ARMC9: variants seen among roughly 807,000 people sequenced by gnomAD.
ARMC9 encodes lisH domain-containing protein ARMC9.
ARMC9 carries 94 observed loss-of-function variants against 107.0 expected under a neutral mutation model. The observed-to-expected ratio is 0.88, with a 90% CI of 0.74 to 1.04. The LOEUF (loss-of-function observed/expected upper bound fraction) is 1.04, where lower values mean the gene tolerates loss of function less well. Among genes scored for constraint, ARMC9 ranks in the 50% least tolerant of loss-of-function variants. The pLI, the probability that ARMC9 is intolerant of heterozygous loss-of-function variation, is 0.00. For synonymous variants in ARMC9, 380 were observed against 396.9 expected (o/e 0.96, Z 0.51); for missense variants, 942 against 1,030.1 (o/e 0.91, Z 1.17).
At chr2:231,267,614 A>G (rs1243902241) in intron 12 of ARMC9, among the ~76,000 whole-genome samples, 1 of 152,206 alleles carries the variant, frequency 6.6e-6, no homozygotes. Flanking sequence ...TCTAGTTCTC[A>G]GGGGTTGATC....
At chr2:231,229,533 A>G (rs1256825299) in intron 7 of ARMC9, among the ~76,000 whole-genome samples, 2 of 152,250 alleles carry the variant, frequency 1.3e-5, no homozygotes, top group Non-Finnish European at 2.9e-5. Flanking sequence ...TAGTCACTTA[A>G]AAAGGATATA....
At chr2:231,328,690 T>C (rs959572991) in intron 19 of ARMC9, among the ~76,000 whole-genome samples, 1 of 152,084 alleles carries the variant, frequency 6.6e-6, no homozygotes, top group African/African-American at 2.4e-5. Context: ...GATCTATGTG[T>C]CTGTCCCTCT....
chr2:231,349,150 C>T (rs1214636150), intron 21 of ARMC9, among the ~76,000 whole-genome samples: 2 of 152,180 alleles, frequency 1.3e-5, no homozygotes, highest in African/African-American at 2.4e-5. Context: ...GCTGCAGCAC[C>T]GTTCACAGGG....
intron 19 of ARMC9, among the ~76,000 whole-genome samples, chr2:231,317,294 C>A (rs1382445570): frequency 6.6e-6 from 1 of 152,096 alleles, no homozygotes; most frequent in Non-Finnish European, 1.5e-5. Context: ...CCTCAGCTTC[C>A]TGAGTGGCTG....
intron 9 of ARMC9, among the ~76,000 whole-genome samples, chr2:231,249,321 G>GCT (rs2037072302): frequency 6.6e-6 from 1 of 152,128 alleles, no homozygotes; most frequent in South Asian, 2.1e-4. Flanking sequence ...CAGTACACAG[G>GCT]AGACTCCCGA....
At chr2:231,204,830 G>A (rs1255418141) in intron 1 of ARMC9, among the ~76,000 whole-genome samples, 2 of 152,098 alleles carry the variant, frequency 1.3e-5, no homozygotes, top group African/African-American at 4.8e-5. Context: ...GGTGTCCACA[G>A]GAACCACACA....
intron 21 of ARMC9, among the ~76,000 whole-genome samples, chr2:231,351,870 T>A (rs2125588266): frequency 6.6e-6 from 1 of 152,246 alleles, no homozygotes; most frequent in South Asian, 2.1e-4. Flanking sequence ...ACCAGCACCC[T>A]CTGGTATCCT....
At chr2:231,352,038 G>A (rs1389373824) in intron 21 of ARMC9, among the ~76,000 whole-genome samples, 2 of 152,038 alleles carry the variant, frequency 1.3e-5, no homozygotes, top group Non-Finnish European at 2.9e-5. Context: ...CACAATCACA[G>A]CTCACTGCAG....
chr2:231,221,175 C>T (rs899261739), intron 5 of ARMC9, among the ~76,000 whole-genome samples: 3 of 152,184 alleles, frequency 2.0e-5, no homozygotes, highest in African/African-American at 7.2e-5. Flanking sequence ...CTTCCTTTCC[C>T]CTCCCAGCTT....
At chr2:231,348,457 G>A (rs772013386) in intron 21 of ARMC9, among the ~76,000 whole-genome samples, 34 of 152,292 alleles carry the variant, frequency 2.2e-4, no homozygotes, top group Non-Finnish European at 3.8e-4. Context: ...TAAGTTTGTG[G>A]TAAGACTGCA....
At chr2:231,371,426 C>T (rs905559020) in intron 24 of ARMC9, 87 bp from the exon 25 acceptor site, 29 of 1,324,446 alleles carry the variant, frequency 2.2e-5, no homozygotes, top group East Asian at 1.4e-4. Context: ...GCTTCTGAGC[C>T]GGCTGAAAGA....
At chr2:231,356,881 C>T (rs1009100592) in intron 22 of ARMC9, among the ~76,000 whole-genome samples, 2 of 152,182 alleles carry the variant, frequency 1.3e-5, no homozygotes, top group Non-Finnish European at 1.5e-5. Flanking sequence ...GCCAATTTGA[C>T]TGAATGCCAT....
Position 231,271,040 on chromosome 2 carries a change from G to A in ARMC9, c.1178G>A (p.Arg393Lys), listed in dbSNP as rs747791321. The part of the protein sequence containing the change: ...TSDVVRQYMA[R>K]LINAFASLAE... ...GACGTGGTGCGGCAGTACATGGCCA[G>A]GCTCATCAATGCTTTTGCGTCACTG... Residue 393 changes from arginine (R) to lysine (K), a missense_variant, in exon 13 of 25, where the codon AGG (arginine) becomes AAG (lysine). Transcript: ENST00000611582. 5.6e-6 allele frequency: 9 copies of A among 1,614,006 alleles called. No individual in the cohort carries two copies. The highest frequency in any genetic ancestry group is 1.7e-5 in the Admixed American group (1 of 60,002).
At chr2:231,275,905 A>G (rs1232399898) in intron 14 of ARMC9, among the ~76,000 whole-genome samples, 1 of 152,196 alleles carries the variant, frequency 6.6e-6, no homozygotes, top group Non-Finnish European at 1.5e-5. Context: ...GTGAGCCGAG[A>G]TCGTGCCATT....
At chr2:231,309,536 T>C (rs1362498132) in intron 19 of ARMC9, among the ~76,000 whole-genome samples, 2 of 152,176 alleles carry the variant, frequency 1.3e-5, no homozygotes, top group Admixed American at 1.3e-4. Flanking sequence ...ATCCATTTGA[T>C]CAAATCACTA....
Position 231,217,703 on chromosome 2 carries a change from T to C in ARMC9, c.504+910T>C, listed in dbSNP as rs1252605517. Among the ~76,000 whole-genome samples the C allele has an allele frequency of 2.6e-5, 4 of 152,114 alleles. No individual in the cohort carries two copies. The East Asian group carries it at 7.7e-4, about 29-fold the overall frequency. ...CTATGAATTGTAACACACATATGTT[T>C]TGTTTGTTTGTTTGGTTGGTTTTGT... On this transcript the variant is annotated intron_variant, in intron 5 of 24. Coordinates refer to ENST00000611582, the MANE Select transcript of ARMC9 (RefSeq NM_001352754.2).
intron 8 of ARMC9, among the ~76,000 whole-genome samples, chr2:231,239,538 C>A (rs189603861): frequency 6.6e-6 from 1 of 152,190 alleles, no homozygotes; most frequent in Admixed American, 6.5e-5. Context: ...TTGGTCTTCT[C>A]GAGTCCAGGA....
intron 9 of ARMC9, among the ~76,000 whole-genome samples, chr2:231,250,788 A>G (rs924370520): frequency 2.0e-5 from 3 of 152,130 alleles, no homozygotes; most frequent in African/African-American, 7.2e-5. Context: ...GGGCTGGAGG[A>G]GAGACCTGAA....
chr2:231,214,764 G>T (rs1234742200), intron 3 of ARMC9, 67 bp from the exon 4 acceptor site: 1 of 1,509,272 alleles, frequency 6.6e-7, no homozygotes, highest in Non-Finnish European at 9.1e-7. Flanking sequence ...GTGGTGTTGA[G>T]TGGGTTGTGA....
Sources: gnomAD v4.1 joint callset for allele counts (sites outside exome capture counted in the v4.1 genomes callset) on GRCh38, gnomAD v4.1.1 for gene constraint, MANE v1.5 for transcripts, NCBI Gene and HGNC (gene_info 2026-07-23, HGNC 2026-07-21) for gene names.